The following MGA variants were observed in gnomAD, a reference collection of about 807,000 sequenced individuals.
MGA encodes the protein MAX gene-associated protein.
Under a neutral mutation model 261.1 loss-of-function variants are expected in MGA, and 40 were observed. The ratio of observed to expected loss-of-function variants is 0.15; its 90% CI spans 0.12 to 0.20. The LOEUF (loss-of-function observed/expected upper bound fraction) is 0.20. MGA is among the 10% of genes least tolerant of loss of function. The probability of loss-of-function intolerance (pLI) is 1.00; values close to 1 mark genes in which losing one functional copy is unlikely to be tolerated. For synonymous variants in MGA, 1,302 were observed against 1,290.6 expected (o/e 1.01, Z -0.19); for missense variants, 3,397 against 3,630.5 (o/e 0.94, Z 1.65).
chr15:41,651,987 C>T (rs1178485000), intron 1 of MGA, among the ~76,000 whole-genome samples: 1 of 55,664 alleles, frequency 1.8e-5, no homozygotes, highest in South Asian at 1.0e-3. Context: ...TTTTTTGAGA[C>T]GGAGTCTCTT....
In MGA at chr15:41,769,828, C is replaced by G. The variant is rs2063959171; in HGVS notation, c.*2548C>G. 1.3e-5 allele frequency: 2 copies of G among 152,564 alleles called. No individual in the cohort carries two copies. The highest frequency in any genetic ancestry group is 3.4e-3 in the Middle Eastern group (1 of 294). The allele number at this position is 152,564 out of a possible 1,614,324, so 9.5% of individuals were successfully genotyped here. ...TTATATATTAAATATATATATCTTT[C>G]CTTTTCTGCTTTCGAAAAGTGACTA... is the stretch of plus-strand genomic sequence containing the variant. On this transcript the variant is annotated 3_prime_UTR_variant, in exon 24 of 24. Transcript: ENST00000219905.
At chr15:41,658,437 T>A (rs2057252607), upstream of MGA, among the ~76,000 whole-genome samples, 1 of 152,184 alleles carries the variant, frequency 6.6e-6, no homozygotes, top group Non-Finnish European at 1.5e-5. Flanking sequence ...TTTAAGTGGT[T>A]ACTCAAAGCA....
chr15:41,727,111 T>C, intron 9 of MGA, 69 bp from the exon 10 acceptor site: 7 of 1,235,142 alleles, frequency 5.7e-6, no homozygotes, highest in East Asian at 2.5e-5. Context: ...TATTTTGTTT[T>C]GGCAGTGCCT....
Position 41,696,067 on chromosome 15 carries a change from C to G in MGA, c.1065-8C>G, listed in dbSNP as rs760159731. ...CTTTTAAAATCCCTTTCTCCTCTCT[C>G]TCTCCAGTCTTATTGCCAGCAGTTT... On this transcript the variant is annotated splice_region_variant and splice_polypyrimidine_tract_variant and intron_variant, in intron 2 of 23. Coordinates refer to ENST00000219905, the MANE Select transcript of MGA (RefSeq NM_001164273.2). 1.3e-6 allele frequency: 2 copies of G among 1,572,870 alleles called. No homozygotes were observed. Among genetic ancestry groups the G allele is most frequent in the Non-Finnish European group, 1.7e-6 (2 of 1,154,910 alleles).
At chr15:41,727,146 A>G in intron 9 of MGA, 34 bp from the exon 10 acceptor site, 1 of 1,551,578 alleles carries the variant, frequency 6.4e-7, no homozygotes, top group Non-Finnish European at 8.7e-7. Flanking sequence ...TGTTGCCAAA[A>G]GTACCTAAAA....
intron 17 of MGA, chr15:41,750,908 A>ACTC (rs1412052858): frequency 4.2e-6 from 1 of 238,158 alleles, no homozygotes; most frequent in Non-Finnish European, 8.2e-6. Flanking sequence ...CGAAACCACT[A>ACTC]CTCCCATTTG....
At chr15:41,680,396 A>G (rs1318840330) in intron 2 of MGA, among the ~76,000 whole-genome samples, 3 of 151,188 alleles carry the variant, frequency 2.0e-5, no homozygotes, top group Non-Finnish European at 4.4e-5. Flanking sequence ...ATTCTGTTTT[A>G]ACCCCCCCTG....
intron 2 of MGA, among the ~76,000 whole-genome samples, chr15:41,691,272 C>T (rs927877440): frequency 1.3e-5 from 2 of 151,734 alleles, no homozygotes; most frequent in African/African-American, 2.4e-5. Context: ...AAATTTATTC[C>T]TAAATATTTT....
At position 41,748,842 on chromosome 15, in the gene MGA, G is replaced by A; in HGVS notation, c.5418G>A (p.Gly1806=). 1 of 1,613,948 alleles carries A rather than the reference G, an allele frequency of 6.2e-7. No individual in the cohort carries two copies. The highest frequency in any genetic ancestry group is 8.5e-7 in the Non-Finnish European group (1 of 1,179,890). Reference sequence around the variant, plus strand: ...TGAACTTATTCAGGCACCCTAATGGGCAGATTGTCCAGCTTCTACCTTTGC... The same window carrying A: ...TGAACTTATTCAGGCACCCTAATGGACAGATTGTCCAGCTTCTACCTTTGC... Residue 1806 remains glycine (G), a synonymous_variant, in exon 16 of 24, where the codon GGG becomes GGA. Coordinates refer to ENST00000219905, the MANE Select transcript of MGA (RefSeq NM_001164273.2).
chr15:41,669,160 A>G lies in MGA; in HGVS notation c.266A>G (p.Tyr89Cys), dbSNP rs756051323. ...AACAATAGTATGTGGAATGAGTTCT[A>G]TCATCGAAGCACAGAGATGATTCTG... Residue 89 changes from tyrosine to cysteine, a missense_variant, in exon 2 of 24, where the codon TAT becomes TGT. Physicochemically the swap from Tyr to Cys is radical, Grantham distance 194. Around this residue, in one of 9 missense-constraint regions of MGA, gnomAD observed 104 missense variants for 212.9 expected, o/e 0.49. Coordinates refer to ENST00000219905, the MANE Select transcript of MGA (RefSeq NM_001164273.2). The G allele has an allele frequency of 2.7e-5, 43 of 1,613,904 alleles. No homozygotes were observed. The highest frequency in any genetic ancestry group is 2.5e-6 in the Non-Finnish European group (3 of 1,179,876).
intron 2 of MGA, chr15:41,684,624 T>A (rs1229871640): frequency 4.6e-6 from 1 of 215,096 alleles, no homozygotes; most frequent in Non-Finnish European, 9.6e-6. Flanking sequence ...CTCAGAGGTT[T>A]CCCAGCTACT....
At chr15:41,689,429 CCTT>C (rs1171665771) in intron 2 of MGA, among the ~76,000 whole-genome samples, 1 of 151,518 alleles carries the variant, frequency 6.6e-6, no homozygotes, top group Non-Finnish European at 1.5e-5. Flanking sequence ...TTCCCTCTCT[CCTT>C]CTCTCCTTAA....
rs1292805612 is a variant in MGA, at chr15:41,641,582, T to C, written c.-68+20284T>C. ...TTAGCTCACTGCAACCTCTGCTTCC[T>C]GGGTTCAAGCAATTCTCCTGCCTCA... On this transcript the variant is annotated intron_variant, in intron 1 of 8. Transcript: ENST00000566718. 2.0e-5 allele frequency among the ~76,000 whole-genome samples: 3 copies of C among 150,486 alleles called. No individual in the cohort carries two copies. The Admixed American group carries it at 2.0e-4, about 10-fold the overall frequency.
In MGA at chr15:41,764,960, C is replaced by T. The variant is rs375379733; in HGVS notation, c.7819C>T (p.Leu2607=). ...GACTCCGCAAGGGCAATTGCTCACC[C>T]TAAAAGGTCCCCTATTCTCAGGACC... The change falls in exon 23 of 24, where the codon CTA becomes TTA. Residue 2607 remains leucine (L), a synonymous_variant. Transcript: ENST00000219905. 4 of 1,614,052 alleles carry T rather than the reference C, an allele frequency of 2.5e-6. No individual in the cohort carries two copies. The highest frequency in any genetic ancestry group is 2.2e-5 in the South Asian group (2 of 91,088).
At chr15:41,700,100 A>G (rs1171781103) in intron 5 of MGA, among the ~76,000 whole-genome samples, 9 of 134,670 alleles carry the variant, frequency 6.7e-5, no homozygotes, top group Non-Finnish European at 1.5e-5. Context: ...GCTGGAGTGC[A>G]GTGGCACGAT....
intron 1 of MGA, among the ~76,000 whole-genome samples, chr15:41,625,189 A>G (rs950415973): frequency 1.3e-5 from 2 of 152,188 alleles, no homozygotes; most frequent in Non-Finnish European, 2.9e-5. Flanking sequence ...GTCGAGGCAA[A>G]TCCATAAAGA....
chr15:41,656,939 A>G (rs936595835), upstream of MGA, among the ~76,000 whole-genome samples: 1 of 151,882 alleles, frequency 6.6e-6, no homozygotes, highest in South Asian at 2.1e-4. Flanking sequence ...CACTTGGCTA[A>G]TTTTTTAATA....
chr15:41,627,738 G>C (rs932733971), intron 1 of MGA, among the ~76,000 whole-genome samples: 1 of 152,182 alleles, frequency 6.6e-6, no homozygotes, highest in African/African-American at 2.4e-5. Context: ...TAATGACGAA[G>C]TTGCCTGAAG....
At chr15:41,680,059 A>G (rs977315695) in intron 2 of MGA, among the ~76,000 whole-genome samples, 2 of 152,090 alleles carry the variant, frequency 1.3e-5, no homozygotes, top group African/African-American at 4.8e-5. Context: ...TCTTCCCTTG[A>G]TCAGTTTGTC....
Sources: gnomAD v4.1 joint callset for allele counts (sites outside exome capture counted in the v4.1 genomes callset) on GRCh38, gnomAD v4.1.1 for gene constraint, gnomAD v4.1.1 regional missense constraint, MANE v1.5 for transcripts, NCBI Gene and HGNC (gene_info 2026-07-23, HGNC 2026-07-21) for gene names.